TPCN1: variants seen among roughly 807,000 people sequenced by gnomAD.
TPCN1 encodes the protein two pore segment channel 1.
A neutral mutation model predicts 108.8 loss-of-function variants in TPCN1; 52 were observed. That is an observed-to-expected ratio of 0.48 (90% CI 0.38 to 0.60). TPCN1 has a LOEUF of 0.60. Ranked by LOEUF, TPCN1 falls within the 20% of genes least tolerant of loss-of-function variation. The pLI is 0.00. For missense variants in TPCN1, 806 were observed against 1,072.8 expected, an observed-to-expected ratio of 0.75 and a Z score of 3.47; for synonymous variants, 446 against 433.7, an observed-to-expected ratio of 1.03 and a Z score of -0.35.
At chr12:113,233,417 C>T (rs558598642) in intron 2 of TPCN1, among the ~76,000 whole-genome samples, 137 of 152,332 alleles carry the variant, frequency 9.0e-4, no homozygotes, top group Middle Eastern at 3.4e-3. Flanking sequence ...AGCAGCGTGC[C>T]GCTGGGGGCA....
At chr12:113,281,814 C>T (rs1387300928) in intron 15 of TPCN1, among the ~76,000 whole-genome samples, 6 of 151,894 alleles carry the variant, frequency 4.0e-5, no homozygotes, top group East Asian at 3.9e-4. Flanking sequence ...GCTGGGAGTA[C>T]GGGTGTGAGC....
At chr12:113,226,435 C>A (rs1285656396) in intron 1 of TPCN1, among the ~76,000 whole-genome samples, 1 of 152,086 alleles carries the variant, frequency 6.6e-6, no homozygotes, top group Non-Finnish European at 1.5e-5. Flanking sequence ...CACCTACCAC[C>A]AAGCCCAGCT....
intron 15 of TPCN1, among the ~76,000 whole-genome samples, chr12:113,281,853 C>T (rs144499278): frequency 6.6e-6 from 1 of 151,114 alleles, no homozygotes; most frequent in African/African-American, 2.4e-5. Context: ...GTTTTAAGGT[C>T]ATGTGGGATA....
chr12:113,226,508 C>T (rs1593063892), intron 1 of TPCN1, among the ~76,000 whole-genome samples: 1 of 152,196 alleles, frequency 6.6e-6, no homozygotes, highest in East Asian at 1.9e-4. Flanking sequence ...TCTTGAACTC[C>T]TGGCTCAAGT....
rs1365655903 is a variant in TPCN1 at position 113,244,166 on chromosome 12, GAC to G, written c.113-16198_113-16197del. On this transcript the variant is annotated intron_variant, in intron 2 of 27. Transcript: ENST00000335509. Reference sequence around the variant, plus strand: ...GGTGGCCGGAAACAGAGTTAGAGGAGACACAGGGCATTATCCTGACCACTTTC... The same window carrying G: ...GGTGGCCGGAAACAGAGTTAGAGGAGACAGGGCATTATCCTGACCACTTTC... 1.3e-4 allele frequency: 41 copies of G among 310,682 alleles called. 1 individual carries two copies. The highest frequency in any genetic ancestry group is 1.9e-4 in the Non-Finnish European group (40 of 213,244). The allele number at this position is 310,682 out of a possible 1,614,324, so 19.2% of individuals were successfully genotyped here.
At chr12:113,267,362 C>T (rs1955300702) in intron 4 of TPCN1, among the ~76,000 whole-genome samples, 1 of 151,772 alleles carries the variant, frequency 6.6e-6, no homozygotes, top group Admixed American at 6.6e-5. Flanking sequence ...CCTCTTAGAA[C>T]AAGACTAGAT....
chr12:113,227,925 C>A (rs527393619), intron 2 of TPCN1, among the ~76,000 whole-genome samples: 130 of 152,290 alleles, frequency 8.5e-4, no homozygotes, highest in Admixed American at 2.0e-3. Context: ...GGAGCCCTGG[C>A]TGCCTAGAAA....
chr12:113,250,240 C>T (rs529983560), intron 2 of TPCN1, among the ~76,000 whole-genome samples: 148 of 152,252 alleles, frequency 9.7e-4, no homozygotes, highest in African/African-American at 3.4e-3. Context: ...GCAGCTGGGC[C>T]CTGCTCAGAT....
Position 113,284,799 on chromosome 12 carries a change from C to A in TPCN1, c.1453+28C>A. The A allele has an allele frequency of 6.2e-7, 1 of 1,613,088 alleles. No individual in the cohort carries two copies. Among genetic ancestry groups the A allele is most frequent in the Non-Finnish European group, 8.5e-7 (1 of 1,179,036 alleles). On this transcript the variant is annotated intron_variant, in intron 17 of 27. Transcript: ENST00000335509. The surrounding 1 kb of genome is among the most constrained non-coding windows in gnomAD (Gnocchi z 4.1). ...ACGTTTCCGACATGGCTTTGCTGGA[C>A]TGCTTGTTTTAAAATTGTCTGGGAG... is the stretch of plus-strand genomic sequence containing the variant.
intron 2 of TPCN1, among the ~76,000 whole-genome samples, chr12:113,252,624 A>T (rs533749697): frequency 1.1e-4 from 17 of 151,548 alleles, no homozygotes; most frequent in African/African-American, 4.1e-4. Context: ...GTTACCTAGG[A>T]CTCTTCTGTG....
At chr12:113,233,296 C>G (rs1953761443) in intron 2 of TPCN1, among the ~76,000 whole-genome samples, 1 of 152,238 alleles carries the variant, frequency 6.6e-6, no homozygotes, top group African/African-American at 2.4e-5. Context: ...CCCCACTCGC[C>G]TGGGGGAGGG....
Position 113,221,511 on chromosome 12 carries a change from T to TCGGCGGCTG in TPCN1, c.-230_-222dup, listed in dbSNP as rs745680343. 17 of 289,152 alleles carry TCGGCGGCTG rather than the reference T, an allele frequency of 5.9e-5. No homozygotes were observed. Among genetic ancestry groups the TCGGCGGCTG allele is most frequent in the African/African-American group, 1.3e-4 (6 of 45,194 alleles). 17.9% of individuals were successfully genotyped at this position (289,152 alleles called of 1,614,324 possible). On this transcript the variant is annotated 5_prime_UTR_variant, in exon 1 of 28. Transcript: ENST00000335509. ...GGCAGTGGCTGAAGTGGCGGCGGCTTCGGCGGCTGCGGCGGCTGCAACAGC... is the reference window on the plus strand; with the variant it reads ...GGCAGTGGCTGAAGTGGCGGCGGCTTCGGCGGCTGCGGCGGCTGCGGCGGCTGCAACAGC...
rs1566136761 is a variant in TPCN1, at chr12:113,232,498, A to C, written c.112+5534A>C. Among the ~76,000 whole-genome samples the C allele has an allele frequency of 6.6e-6, 1 of 152,258 alleles. No individual in the cohort carries two copies. Among genetic ancestry groups the C allele is most frequent in the Non-Finnish European group, 1.5e-5 (1 of 68,036 alleles). ...TACACCCCGAGGTGTGCGCTCCATC[A>C]CTGATGTCTGTGCCGTGGCTCTGCC... On this transcript the variant is annotated intron_variant, in intron 2 of 27. Coordinates refer to ENST00000335509, the MANE Select transcript of TPCN1 (RefSeq NM_017901.6). The surrounding 1 kb of genome is among the most constrained non-coding windows in gnomAD (Gnocchi z 5.6).
intron 27 of TPCN1, among the ~76,000 whole-genome samples, chr12:113,294,662 CT>C (rs1344972560): frequency 1.3e-5 from 2 of 149,200 alleles, no homozygotes; most frequent in East Asian, 2.0e-4. Flanking sequence ...AGATGTTTTT[CT>C]TTTTTTGCAT....
At chr12:113,256,507 T>C (rs1431978035) in intron 2 of TPCN1, among the ~76,000 whole-genome samples, 1 of 152,244 alleles carries the variant, frequency 6.6e-6, no homozygotes, top group Non-Finnish European at 1.5e-5. Flanking sequence ...TTAAGACTTA[T>C]AAAGCCTCAG....
intron 2 of TPCN1, among the ~76,000 whole-genome samples, chr12:113,227,197 A>C (rs7138630): frequency 0.1 from 15,716 of 152,062 alleles, 936 homozygotes; most frequent in East Asian, 0.21. Flanking sequence ...TGCCCTCGCT[A>C]CCTTCTCCAC....
chr12:113,275,449 G>A (rs1955639649), intron 10 of TPCN1, among the ~76,000 whole-genome samples: 1 of 151,952 alleles, frequency 6.6e-6, no homozygotes, highest in African/African-American at 2.4e-5. Flanking sequence ...TTGCCATGTT[G>A]GTCAGGCTGG....
chr12:113,244,665 G>A lies in TPCN1; in HGVS notation c.113-15703G>A, dbSNP rs16942669. The A allele has an allele frequency of 3.9e-3, 3,825 of 985,430 alleles. 90 individuals carry two copies. The African/African-American group carries it at 0.059, about 15-fold the overall frequency. The allele number at this position is 985,430 out of a possible 1,614,324, so 61.0% of individuals were successfully genotyped here. ...TCTTTCCCATGGTGTGGGGCTCTCA[G>A]TGACAACTGGCAAGCGGCGGGGCGG... On this transcript the variant is annotated intron_variant, in intron 2 of 27. Coordinates refer to ENST00000335509, the MANE Select transcript of TPCN1 (RefSeq NM_017901.6).
In TPCN1 at chr12:113,273,144, G is replaced by A; in HGVS notation, c.784-88G>A. 1 of 1,191,480 alleles carries A rather than the reference G, an allele frequency of 8.4e-7. No homozygotes were observed. Among genetic ancestry groups the A allele is most frequent in the South Asian group, 1.2e-5 (1 of 82,360 alleles). 73.8% of individuals were successfully genotyped at this position (1,191,480 alleles called of 1,614,324 possible). A position where few individuals can be genotyped will look rare whatever the true frequency, so the allele number is the denominator to read the frequency against. Reference sequence around the variant, plus strand: ...AGAGATGCAAGAGCGGTCAAGGCAGGGCATGCCAGGTGGCCCATCACAGCC... The same window carrying A: ...AGAGATGCAAGAGCGGTCAAGGCAGAGCATGCCAGGTGGCCCATCACAGCC... On this transcript the variant is annotated intron_variant, in intron 8 of 27. Transcript: ENST00000335509. The surrounding 1 kb of genome is among the most constrained non-coding windows in gnomAD (Gnocchi z 4.0).
Sources: gnomAD v4.1 joint callset for allele counts (sites outside exome capture counted in the v4.1 genomes callset) on GRCh38, gnomAD v4.1.1 for gene constraint, Gnocchi (gnomAD v3.1) non-coding constraint, MANE v1.5 for transcripts, NCBI Gene and HGNC (gene_info 2026-07-23, HGNC 2026-07-21) for gene names.